GABPB1: variants seen among roughly 807,000 people sequenced by gnomAD.
GABPB1 encodes the protein GA-binding protein subunit beta-1.
Under a neutral mutation model 45.9 loss-of-function variants are expected in GABPB1, and 15 were observed. The observed-to-expected ratio is 0.33, with a 90% confidence interval of 0.22 to 0.50. The LOEUF is 0.50. GABPB1 is among the 20% of genes least tolerant of loss of function. GABPB1 has a pLI of 0.98. For synonymous variants in GABPB1, 143 were observed against 154.4 expected, an observed-to-expected ratio of 0.93 and a Z score of 0.55; for missense variants, 252 against 457.5, an observed-to-expected ratio of 0.55 and a Z score of 4.10.
chr15:50,335,031 A>G (rs1314294604), intron 1 of GABPB1, among the ~76,000 whole-genome samples: 2 of 152,188 alleles, frequency 1.3e-5, no homozygotes, highest in Non-Finnish European at 2.9e-5. Context: ...CCTAAGATGA[A>G]GGAGCCTTCC....
chr15:50,286,857 A>G (rs567976836), intron 7 of GABPB1, among the ~76,000 whole-genome samples: 23 of 152,350 alleles, frequency 1.5e-4, no homozygotes, highest in African/African-American at 4.3e-4. Flanking sequence ...ACAGCACTAC[A>G]GGAACATAAA....
At chr15:50,303,817 G>A (rs1316495431) in intron 3 of GABPB1, 149 bp downstream of exon 3, 4 of 490,838 alleles carry the variant, frequency 8.1e-6, no homozygotes, top group African/African-American at 8.0e-5. Context: ...AAAGCTATAA[G>A]ACAATTTTCA....
intron 1 of GABPB1, among the ~76,000 whole-genome samples, chr15:50,336,353 C>CTCAA (rs1567540149): frequency 8.6e-6 from 1 of 115,900 alleles, no homozygotes; most frequent in African/African-American, 3.6e-5. Flanking sequence ...GACTCTGTCC[C>CTCAA]AAAAAAAAAA....
chr15:50,336,460 G>A (rs1338347936), intron 1 of GABPB1, among the ~76,000 whole-genome samples: 4 of 151,474 alleles, frequency 2.6e-5, no homozygotes, highest in African/African-American at 7.3e-5. Flanking sequence ...TCAGGAAGCC[G>A]AGGCAGGCGG....
chr15:50,352,975 T>C (rs1339905583), intron 1 of GABPB1: 2 of 152,260 alleles, frequency 1.3e-5, no homozygotes, highest in African/African-American at 4.8e-5. Context: ...CTCTGCAAAC[T>C]GTTCGTTTCA....
chr15:50,347,629 A>C (rs1380925647), intron 1 of GABPB1: 1 of 152,204 alleles, frequency 6.6e-6, no homozygotes, highest in African/African-American at 2.4e-5. Flanking sequence ...CAAAACCGTT[A>C]TCATAATGAG....
At chr15:50,328,322 T>G (rs1389225194) in intron 1 of GABPB1, among the ~76,000 whole-genome samples, 1 of 152,138 alleles carries the variant, frequency 6.6e-6, no homozygotes, top group Non-Finnish European at 1.5e-5. Flanking sequence ...TCTAGGACAC[T>G]TTCCCTTTCT....
At chr15:50,283,657 CG>C (rs1225877714) in intron 8 of GABPB1, among the ~76,000 whole-genome samples, 5 of 152,026 alleles carry the variant, frequency 3.3e-5, no homozygotes, top group Non-Finnish European at 7.4e-5. Flanking sequence ...ACTACAGGTG[CG>C]TGCCACCACA....
chr15:50,299,968 C>T lies in GABPB1; in HGVS notation c.697+821G>A, dbSNP rs529862703. Reference sequence around the variant, plus strand: ...AGCAGCTGGGACCACAGGAGTGGACCACCACACCTGACTAATTTTTATATT... The same window carrying T: ...AGCAGCTGGGACCACAGGAGTGGACTACCACACCTGACTAATTTTTATATT... On this transcript the variant is annotated intron_variant, in intron 6 of 8. Coordinates refer to ENST00000380877, the MANE Select transcript of GABPB1 (RefSeq NM_016654.5). Among the ~76,000 whole-genome samples, 4 of 152,076 alleles carry T rather than the reference C, an allele frequency of 2.6e-5. No individual in the cohort carries two copies. The South Asian group carries it at 8.3e-4, about 32-fold the overall frequency.
intron 6 of GABPB1, among the ~76,000 whole-genome samples, chr15:50,290,389 G>A (rs1225657455): frequency 4.6e-5 from 7 of 151,976 alleles, no homozygotes; most frequent in African/African-American, 9.7e-5. Flanking sequence ...TCAGGAGTTC[G>A]GGACTAGCCT....
chr15:50,313,273 C>A (rs1041566381), intron 1 of GABPB1, among the ~76,000 whole-genome samples: 2 of 152,108 alleles, frequency 1.3e-5, no homozygotes, highest in Non-Finnish European at 2.9e-5. Flanking sequence ...GCAAAAAATG[C>A]TCAGTGTCAC....
At chr15:50,279,201 A>G (rs1421629402) in intron 8 of GABPB1, among the ~76,000 whole-genome samples, 1 of 152,216 alleles carries the variant, frequency 6.6e-6, no homozygotes, top group Non-Finnish European at 1.5e-5. Context: ...CACCCACTAT[A>G]TGAGTAAACA....
chr15:50,315,994 C>G (rs2047313731), intron 1 of GABPB1, among the ~76,000 whole-genome samples: 1 of 152,142 alleles, frequency 6.6e-6, no homozygotes, highest in Non-Finnish European at 1.5e-5. Context: ...ACCCAGGAGG[C>G]AGAGGCTGTA....
chr15:50,279,756 C>T (rs2045917019), intron 8 of GABPB1, among the ~76,000 whole-genome samples: 1 of 152,158 alleles, frequency 6.6e-6, no homozygotes, highest in Non-Finnish European at 1.5e-5. Flanking sequence ...TGCCCAGGAC[C>T]TCTGAGTGGG....
At chr15:50,320,537 C>A (rs12909202) in intron 1 of GABPB1, among the ~76,000 whole-genome samples, 39,216 of 152,136 alleles carry the variant, frequency 0.26, 6,481 homozygotes, top group Middle Eastern at 0.38. Context: ...CTGCACAGTA[C>A]TATGGAGTGT....
chr15:50,351,056 A>G (rs2048801149), intron 1 of GABPB1: 1 of 152,210 alleles, frequency 6.6e-6, no homozygotes, highest in Non-Finnish European at 1.5e-5. Flanking sequence ...CACCTTGGAA[A>G]TGAGAAAAAT....
At chr15:50,350,283 A>C (rs1406930002) in intron 1 of GABPB1, 3 of 150,616 alleles carry the variant, frequency 2.0e-5, no homozygotes, top group Non-Finnish European at 4.4e-5. Flanking sequence ...GAAAAGCAGA[A>C]ATAGTACTAC....
chr15:50,344,284 C>G (rs74767735), intron 1 of GABPB1, among the ~76,000 whole-genome samples: 5 of 152,150 alleles, frequency 3.3e-5, no homozygotes, highest in African/African-American at 1.2e-4. Flanking sequence ...TTGTAAACAA[C>G]TGGGAGTCAT....
chr15:50,340,475 T>C (rs1369145313), intron 1 of GABPB1, among the ~76,000 whole-genome samples: 1 of 148,288 alleles, frequency 6.7e-6, no homozygotes, highest in African/African-American at 2.5e-5. Flanking sequence ...TGGCCCACCC[T>C]GGACCCACAA....
Sources: allele counts gnomAD v4.1 joint callset (sites outside exome capture counted in the v4.1 genomes callset), GRCh38; gene constraint gnomAD v4.1.1; transcripts MANE v1.5; gene names NCBI Gene and HGNC (gene_info 2026-07-23, HGNC 2026-07-21).